The following SLC16A12 variants were observed in gnomAD, a reference collection of about 807,000 sequenced individuals.
SLC16A12 encodes solute carrier family 16 member 12.
SLC16A12 carries 17 observed loss-of-function variants against 42.4 expected under a neutral mutation model. That is an observed-to-expected ratio of 0.40 (90% CI 0.27 to 0.60). SLC16A12 has a LOEUF of 0.60. SLC16A12 is among the 20% of genes least tolerant of loss of function. The pLI is 0.42. For synonymous variants in SLC16A12, 224 were observed against 229.4 expected (o/e 0.98, Z 0.21); for missense variants, 544 against 623.0 (o/e 0.87, Z 1.35).
intron 1 of SLC16A12, among the ~76,000 whole-genome samples, chr10:89,534,956 A>G (rs1843628533): frequency 6.6e-6 from 1 of 152,180 alleles, no homozygotes; most frequent in Admixed American, 6.5e-5. Flanking sequence ...CGAGTCCACA[A>G]TACAGGTATC....
chr10:89,551,887 C>T (rs1843773077), intron 2 of SLC16A12, among the ~76,000 whole-genome samples: 1 of 152,180 alleles, frequency 6.6e-6, no homozygotes, highest in African/African-American at 2.4e-5. Context: ...CAAACTAATA[C>T]AAAAGCTAAA....
chr10:89,480,234 A>G (rs1285909324), intron 2 of SLC16A12, among the ~76,000 whole-genome samples: 3 of 152,208 alleles, frequency 2.0e-5, no homozygotes, highest in African/African-American at 4.8e-5. Context: ...TTTGAAGCAC[A>G]TGGAACAGTG....
chr10:89,511,971 T>A (rs919082813), intron 2 of SLC16A12, among the ~76,000 whole-genome samples: 2 of 152,166 alleles, frequency 1.3e-5, no homozygotes, highest in Non-Finnish European at 2.9e-5. Flanking sequence ...TTACGCAGCC[T>A]TATAAAGGAA....
chr10:89,507,886 C>A (rs933642001), intron 2 of SLC16A12, among the ~76,000 whole-genome samples: 11 of 152,158 alleles, frequency 7.2e-5, no homozygotes, highest in Admixed American at 3.9e-4. Context: ...GGAGGAAGAT[C>A]TACCAAGCAA....
chr10:89,440,761 T>C (rs1002312700), intron 5 of SLC16A12, among the ~76,000 whole-genome samples: 3 of 152,240 alleles, frequency 2.0e-5, no homozygotes, highest in African/African-American at 7.2e-5. Context: ...GTCAATAGTA[T>C]TTTAATGTCT....
intron 2 of SLC16A12, among the ~76,000 whole-genome samples, chr10:89,474,541 T>A (rs1028721088): frequency 6.6e-6 from 1 of 152,018 alleles, no homozygotes; most frequent in African/African-American, 2.4e-5. Context: ...ATCAGAGAGG[T>A]CTAATCTTCA....
intron 2 of SLC16A12, among the ~76,000 whole-genome samples, chr10:89,487,015 T>C (rs1011985318): frequency 6.6e-6 from 1 of 152,212 alleles, no homozygotes; most frequent in African/African-American, 2.4e-5. Flanking sequence ...GGACGAAACA[T>C]ACACCCTTTC....
intron 7 of SLC16A12, among the ~76,000 whole-genome samples, chr10:89,435,207 AC>A (rs1266633269): frequency 6.6e-6 from 1 of 152,236 alleles, no homozygotes; most frequent in African/African-American, 2.4e-5. Flanking sequence ...TCATCTTTAA[AC>A]AGCTCTATTG....
intron 7 of SLC16A12, 152 bp from the exon 8 acceptor site, chr10:89,433,478 G>A: frequency 2.6e-6 from 2 of 777,618 alleles, no homozygotes; most frequent in South Asian, 1.7e-5. Flanking sequence ...AAAATATTGT[G>A]CAGCAACTGA....
At position 89,433,025 on chromosome 10, in the gene SLC16A12, T is replaced by C. The variant is rs367725863; in HGVS notation, c.*39A>G. On this transcript the variant is annotated 3_prime_UTR_variant, in exon 8 of 8. Transcript: ENST00000371790. Reference sequence around the variant, plus strand: ...ACATGAAGAATCTGGTGGCCCCACCTCTCTCAAACCTGAAGATTCTGGGGC... The same window carrying C: ...ACATGAAGAATCTGGTGGCCCCACCCCTCTCAAACCTGAAGATTCTGGGGC... 2.5e-5 allele frequency: 41 copies of C among 1,611,914 alleles called. No homozygotes were observed. The African/African-American group carries it at 4.8e-4, about 19-fold the overall frequency.
chr10:89,506,446 C>T (rs1843062959), intron 2 of SLC16A12, among the ~76,000 whole-genome samples: 3 of 152,152 alleles, frequency 2.0e-5, no homozygotes, highest in Admixed American at 2.0e-4. Flanking sequence ...CTGGAGAGGA[C>T]CTCCAAGAAA....
Position 89,555,607 on chromosome 10 carries a change from A to G in SLC16A12, c.-47+275T>C, listed in dbSNP as rs573510984. Among the ~76,000 whole-genome samples, 8 of 144,726 alleles carry G rather than the reference A, an allele frequency of 5.5e-5. No individual in the cohort carries two copies. In the South Asian group the frequency reaches 1.5e-3, roughly 27 times the overall value. The allele number at this position is 144,726 out of a possible 152,430, so 94.9% of individuals were successfully genotyped here. ...TATATGTATATATACACATATATAC[A>G]TATATATACAGATATGTATATATAC... On this transcript the variant is annotated intron_variant, in intron 2 of 2. Transcript: ENST00000475682.
At chr10:89,493,468 C>T (rs181005288) in intron 2 of SLC16A12, among the ~76,000 whole-genome samples, 5 of 152,316 alleles carry the variant, frequency 3.3e-5, no homozygotes, top group African/African-American at 1.2e-4. Context: ...GGTAATCCGC[C>T]CACTTTGGCC....
chr10:89,437,714 A>G (rs767654574), intron 6 of SLC16A12, among the ~76,000 whole-genome samples: 2 of 152,188 alleles, frequency 1.3e-5, no homozygotes, highest in Non-Finnish European at 2.9e-5. Flanking sequence ...CTGATTAATT[A>G]CCAAAAACAT....
At chr10:89,551,205 G>A (rs1843768474) in intron 2 of SLC16A12, among the ~76,000 whole-genome samples, 1 of 152,148 alleles carries the variant, frequency 6.6e-6, no homozygotes, top group African/African-American at 2.4e-5. Flanking sequence ...AATTTGGGAG[G>A]CCAAGGAAGG....
intron 3 of SLC16A12, among the ~76,000 whole-genome samples, chr10:89,453,580 C>T (rs966655735): frequency 1.3e-5 from 2 of 152,054 alleles, no homozygotes; most frequent in Non-Finnish European, 1.5e-5. Context: ...CATGCTGTAC[C>T]GGTTTGTAGC....
intron 2 of SLC16A12, among the ~76,000 whole-genome samples, chr10:89,526,361 A>G (rs907810559): frequency 2.0e-5 from 3 of 152,212 alleles, no homozygotes; most frequent in Non-Finnish European, 4.4e-5. Flanking sequence ...CTGGGGAGAC[A>G]TATAACTTGA....
At chr10:89,534,286 A>G (rs1418370356) in intron 2 of SLC16A12, among the ~76,000 whole-genome samples, 1 of 152,182 alleles carries the variant, frequency 6.6e-6, no homozygotes, top group Non-Finnish European at 1.5e-5. Context: ...GCGACAAACA[A>G]TGCAAGGGCA....
Position 89,443,753 on chromosome 10 carries a change from C to T in SLC16A12, c.304+3G>A. 6.2e-7 allele frequency: 1 copy of T among 1,601,890 alleles called. No individual in the cohort carries two copies. Among genetic ancestry groups the T allele is most frequent in the Non-Finnish European group, 8.6e-7 (1 of 1,168,864 alleles). ...ATTCCCTATCCTAGTAAGTAATACT[C>T]ACCACAGAGCATGGTCACACAATCT... On this transcript the variant is annotated splice_donor_region_variant and intron_variant, in intron 4 of 7. Coordinates refer to ENST00000371790, the MANE Select transcript of SLC16A12 (RefSeq NM_213606.4).
Sources: gnomAD v4.1 joint callset for allele counts (sites outside exome capture counted in the v4.1 genomes callset) on GRCh38, gnomAD v4.1.1 for gene constraint, MANE v1.5 for transcripts, NCBI Gene and HGNC (gene_info 2026-07-23, HGNC 2026-07-21) for gene names.